The following PEPD variants were observed in gnomAD, a reference collection of about 807,000 sequenced individuals.
PEPD encodes xaa-Pro dipeptidase.
Under a neutral mutation model 60.7 loss-of-function variants are expected in PEPD, and 53 were observed. The observed-to-expected ratio is 0.87, with a 90% confidence interval of 0.70 to 1.10. PEPD has a LOEUF of 1.10. Ranked by LOEUF, PEPD falls within the 50% of genes least tolerant of loss-of-function variation. The pLI is 0.00. For missense variants in PEPD, 711 were observed against 711.9 expected, an observed-to-expected ratio of 1.00 and a Z score of 0.01; for synonymous variants, 267 against 284.1, an observed-to-expected ratio of 0.94 and a Z score of 0.60.
intron 9 of PEPD, among the ~76,000 whole-genome samples, chr19:33,451,818 T>C (rs1195430897): frequency 1.3e-5 from 2 of 152,140 alleles, no homozygotes; most frequent in African/African-American, 4.8e-5. Context: ...TTGAAAGCTA[T>C]AAAAAGCAAA....
intron 11 of PEPD, among the ~76,000 whole-genome samples, chr19:33,409,866 A>G (rs1968722930): frequency 6.6e-6 from 1 of 152,216 alleles, no homozygotes; most frequent in South Asian, 2.1e-4. Flanking sequence ...CTTGGCCCAC[A>G]CATGGGGTGA....
At chr19:33,399,525 C>T (rs1968439657) in intron 12 of PEPD, among the ~76,000 whole-genome samples, 2 of 152,134 alleles carry the variant, frequency 1.3e-5, no homozygotes, top group Non-Finnish European at 2.9e-5. Flanking sequence ...CCCAGCGTCC[C>T]TCCGCGGCTC....
chr19:33,492,754 C>A (rs1970524144), intron 5 of PEPD, among the ~76,000 whole-genome samples: 1 of 152,130 alleles, frequency 6.6e-6, no homozygotes, highest in South Asian at 2.1e-4. Context: ...GGGTGTGGCG[C>A]CAGGCCCACA....
At chr19:33,418,773 C>T (rs1968945438) in intron 9 of PEPD, among the ~76,000 whole-genome samples, 1 of 152,208 alleles carries the variant, frequency 6.6e-6, no homozygotes, top group Non-Finnish European at 1.5e-5. Flanking sequence ...AGCATGACGA[C>T]AAACACAGAC....
intron 10 of PEPD, among the ~76,000 whole-genome samples, chr19:33,413,208 G>C (rs577138313): frequency 3.9e-5 from 6 of 152,356 alleles, no homozygotes; most frequent in African/African-American, 1.4e-4. Flanking sequence ...CACAGAAGCT[G>C]CCCAGCCTGA....
In PEPD at chr19:33,387,895, C is replaced by A; in HGVS notation, c.1339G>T (p.Gly447Cys). ...REVLQRFRGF[G>C]GVRIEEDVVV... ...TGGGGCCCGTGGGCACTCACCCCGCCAAAACCGCGAAAGCGCTGCAGGACC... is the reference window on the plus strand; with the variant it reads ...TGGGGCCCGTGGGCACTCACCCCGCAAAAACCGCGAAAGCGCTGCAGGACC... The change falls in exon 14 of 15, where the codon GGC (glycine) becomes TGC (cysteine). Residue 447 changes from glycine to cysteine, a missense_variant. Transcript: ENST00000244137. The A allele has an allele frequency of 6.4e-7, 1 of 1,567,308 alleles. No homozygotes were observed. The highest frequency in any genetic ancestry group is 8.6e-7 in the Non-Finnish European group (1 of 1,156,632).
At chr19:33,417,180 C>T (rs778985028) in intron 9 of PEPD, among the ~76,000 whole-genome samples, 5 of 152,208 alleles carry the variant, frequency 3.3e-5, no homozygotes, top group African/African-American at 1.2e-4. Flanking sequence ...GGGGTAGCGC[C>T]GAAGAGGTTA....
chr19:33,393,603 C>G (rs371400692), intron 12 of PEPD, among the ~76,000 whole-genome samples: 336 of 149,560 alleles, frequency 2.2e-3, no homozygotes, highest in African/African-American at 8.3e-3. Flanking sequence ...GCTCTCAGAG[C>G]CTCTGTGTCA....
At chr19:33,443,676 CAAA>C (rs111740291) in intron 9 of PEPD, among the ~76,000 whole-genome samples, 1 of 142,624 alleles carries the variant, frequency 7.0e-6, no homozygotes. Flanking sequence ...ACTCTTATTC[CAAA>C]AAAAAAAAAA....
intron 4 of PEPD, among the ~76,000 whole-genome samples, chr19:33,498,033 G>C (rs991858822): frequency 6.6e-6 from 1 of 151,944 alleles, no homozygotes; most frequent in Admixed American, 6.6e-5. Flanking sequence ...TGGGGGCTAC[G>C]GCCCAGCACA....
chr19:33,428,431 A>C (rs1206907317), intron 9 of PEPD, among the ~76,000 whole-genome samples: 1 of 152,110 alleles, frequency 6.6e-6, no homozygotes, highest in African/African-American at 2.4e-5. Flanking sequence ...CCAGTCTTTA[A>C]CAGGTCCCCT....
At chr19:33,423,259 A>T (rs11084731) in intron 9 of PEPD, among the ~76,000 whole-genome samples, 55,994 of 152,094 alleles carry the variant, frequency 0.37, 10,961 homozygotes, top group African/African-American at 0.51. Flanking sequence ...TGACTGAATA[A>T]GTGAATGGCT....
intron 9 of PEPD, among the ~76,000 whole-genome samples, chr19:33,435,862 G>A (rs764763665): frequency 1.3e-5 from 2 of 152,242 alleles, no homozygotes; most frequent in Admixed American, 1.3e-4. Context: ...GTGCCCTCCA[G>A]GCTCTCAGCA....
rs556519422 is a variant in PEPD at position 33,484,175 on chromosome 19, A to G, written c.503+5821T>C. Among the ~76,000 whole-genome samples the G allele has an allele frequency of 2.6e-5, 4 of 152,356 alleles. No individual in the cohort carries two copies. The South Asian group carries it at 6.2e-4, about 24-fold the overall frequency. On this transcript the variant is annotated intron_variant, in intron 6 of 14. Transcript: ENST00000244137. ...GGAATCAAAGCCTTACTTATGAAAT[A>G]TCAAAGAGACTACGGGCAGCCAGTG...
chr19:33,510,585 T>G (rs1315750470), intron 3 of PEPD, among the ~76,000 whole-genome samples: 1 of 152,142 alleles, frequency 6.6e-6, no homozygotes, highest in Non-Finnish European at 1.5e-5. Context: ...TGGGGATATT[T>G]GGGGATGTTC....
At chr19:33,520,428 A>G (rs33842) in intron 1 of PEPD, among the ~76,000 whole-genome samples, 81,095 of 152,048 alleles carry the variant, frequency 0.53, 22,159 homozygotes, top group South Asian at 0.69. Flanking sequence ...GTCACCCAGG[A>G]AGTGAAGCCT....
chr19:33,409,964 G>A (rs1968725354), intron 11 of PEPD, among the ~76,000 whole-genome samples: 1 of 152,226 alleles, frequency 6.6e-6, no homozygotes, highest in Non-Finnish European at 1.5e-5. Context: ...TGTGGCCCCA[G>A]GCATGTAGGA....
intron 9 of PEPD, among the ~76,000 whole-genome samples, chr19:33,438,167 C>T (rs1969416536): frequency 6.6e-6 from 1 of 152,222 alleles, no homozygotes; most frequent in Non-Finnish European, 1.5e-5. Flanking sequence ...AGGGCAGACC[C>T]AGGGTGCTGG....
intron 7 of PEPD, among the ~76,000 whole-genome samples, 165 bp from the exon 8 acceptor site, chr19:33,464,227 GA>G: frequency 6.6e-6 from 1 of 152,222 alleles, no homozygotes; most frequent in Non-Finnish European, 1.5e-5. Context: ...AAGCTCCATG[GA>G]ACAGTCTAGA....
Sources: allele counts gnomAD v4.1 joint callset (sites outside exome capture counted in the v4.1 genomes callset), GRCh38; gene constraint gnomAD v4.1.1; transcripts MANE v1.5; gene names NCBI Gene and HGNC (gene_info 2026-07-23, HGNC 2026-07-21).